CATSPER4: variants seen among roughly 807,000 people sequenced by gnomAD.
The protein encoded by CATSPER4 is cation channel sperm associated 4.
CATSPER4 carries 46 observed loss-of-function variants against 54.4 expected under a neutral mutation model. The ratio of observed to expected loss-of-function variants is 0.84; its 90% CI spans 0.67 to 1.08. CATSPER4 has a LOEUF of 1.08. Ranked by LOEUF, CATSPER4 falls within the 50% of genes least tolerant of loss-of-function variation. The pLI is 0.00. For missense variants in CATSPER4, 574 were observed against 612.8 expected, an observed-to-expected ratio of 0.94 and a Z score of 0.67; for synonymous variants, 230 against 231.9, an observed-to-expected ratio of 0.99 and a Z score of 0.08.
At position 26,191,269 on chromosome 1, in the gene CATSPER4, G is replaced by T; in HGVS notation, c.214-18G>T. 1 of 1,613,818 alleles carries T rather than the reference G, an allele frequency of 6.2e-7. No individual in the cohort carries two copies. The highest frequency in any genetic ancestry group is 8.5e-7 in the Non-Finnish European group (1 of 1,179,956). ...CTATGGTGACACCTGCCTGAAGGAA[G>T]GTCCTGCCCTCTTCCAGGACGCCTG... On this transcript the variant is annotated intron_variant, in intron 1 of 9. Coordinates refer to ENST00000456354, the MANE Select transcript of CATSPER4 (RefSeq NM_198137.2).
In CATSPER4 at chr1:26,202,559, C is replaced by T; in HGVS notation, c.*17C>T. 1 of 1,607,158 alleles carries T rather than the reference C, an allele frequency of 6.2e-7. No individual in the cohort carries two copies. Among genetic ancestry groups the T allele is most frequent in the African/African-American group, 1.3e-5 (1 of 74,906 alleles). ...AGCCACTGAGAGGCCAGGATGGGAG[C>T]CAAGGGGCCTGCACACACACACCCA... is the stretch of plus-strand genomic sequence containing the variant. On this transcript the variant is annotated 3_prime_UTR_variant, in exon 10 of 10. Coordinates refer to ENST00000456354, the MANE Select transcript of CATSPER4 (RefSeq NM_198137.2).
At chr1:26,201,274 G>C in intron 8 of CATSPER4, 80 bp from the exon 9 acceptor site, 1 of 1,470,164 alleles carries the variant, frequency 6.8e-7, no homozygotes, top group Non-Finnish European at 9.5e-7. Context: ...AGCGAAGCGG[G>C]GGTGACGCCA....
intron 2 of CATSPER4, among the ~76,000 whole-genome samples, chr1:26,192,008 G>C (rs115927869): frequency 0.01 from 1,572 of 151,852 alleles, 28 homozygotes; most frequent in African/African-American, 0.036. Flanking sequence ...AAAAGAGCAC[G>C]TAGGAGTTGG....
chr1:26,191,526 T>C (rs2088869340), intron 2 of CATSPER4, 96 bp downstream of exon 2: 1 of 1,384,430 alleles, frequency 7.2e-7, no homozygotes, highest in Non-Finnish European at 1.0e-6. Flanking sequence ...TCTATGATGG[T>C]TGGATTGGAT....
chr1:26,192,843 A>G (rs2088887435), intron 2 of CATSPER4, among the ~76,000 whole-genome samples: 1 of 151,854 alleles, frequency 6.6e-6, no homozygotes, highest in East Asian at 2.0e-4. Context: ...GGTAAAGCGC[A>G]CTTTTGGGGA....
At chr1:26,192,550 A>G (rs775612667) in intron 2 of CATSPER4, among the ~76,000 whole-genome samples, 4 of 150,664 alleles carry the variant, frequency 2.7e-5, no homozygotes, top group Non-Finnish European at 4.4e-5. Context: ...AGTTTGTGCC[A>G]CTGCACTCCA....
intron 3 of CATSPER4, among the ~76,000 whole-genome samples, chr1:26,195,646 C>T (rs2088929191): frequency 6.6e-6 from 1 of 152,020 alleles, no homozygotes; most frequent in African/African-American, 2.4e-5. Context: ...GGACTACAGG[C>T]GCCCGCCACC....
chr1:26,200,194 C>T (rs188987518), intron 7 of CATSPER4, 136 bp downstream of exon 7: 2 of 1,000,202 alleles, frequency 2.0e-6, no homozygotes, highest in African/African-American at 1.6e-5. Flanking sequence ...GAGGCAGCAG[C>T]CCCCCATCTT....
At chr1:26,196,448 G>T (rs6689145) in intron 3 of CATSPER4, among the ~76,000 whole-genome samples, 35,543 of 119,744 alleles carry the variant, frequency 0.3, 5,304 homozygotes, top group Non-Finnish European at 0.35. Flanking sequence ...TCTCACCCCT[G>T]TTGCTCAGGC....
chr1:26,191,203 A>T, intron 1 of CATSPER4, 84 bp from the exon 2 acceptor site: 1 of 1,537,486 alleles, frequency 6.5e-7, no homozygotes, highest in Non-Finnish European at 8.9e-7. Context: ...GGGCCCCAGG[A>T]ACCCCCATTC....
At chr1:26,191,495 C>A in intron 2 of CATSPER4, 65 bp downstream of exon 2, 1 of 1,557,070 alleles carries the variant, frequency 6.4e-7, no homozygotes. Context: ...AGAACTCTTC[C>A]GGCCTCAGGC....
At chr1:26,197,469 CT>C (rs1410874467) in intron 3 of CATSPER4, among the ~76,000 whole-genome samples, 1 of 152,214 alleles carries the variant, frequency 6.6e-6, no homozygotes, top group Non-Finnish European at 1.5e-5. Flanking sequence ...GTCTCTGAGA[CT>C]GCATTTGGCT....
intron 7 of CATSPER4, 27 bp from the exon 8 acceptor site, chr1:26,200,803 G>A (rs781505204): frequency 3.8e-5 from 60 of 1,596,382 alleles, no homozygotes; most frequent in Non-Finnish European, 4.8e-5. Flanking sequence ...GAGCTGTCCC[G>A]ACCCCTCTCT....
intron 6 of CATSPER4, among the ~76,000 whole-genome samples, chr1:26,199,260 AC>A (rs1167978648): frequency 2.0e-5 from 3 of 151,926 alleles, no homozygotes; most frequent in East Asian, 1.9e-4. Flanking sequence ...AAAAGGTGAA[AC>A]CCCGTCTCTA....
chr1:26,199,828 G>A, intron 6 of CATSPER4, 56 bp from the exon 7 acceptor site: 5 of 1,593,482 alleles, frequency 3.1e-6, no homozygotes, highest in Non-Finnish European at 4.3e-6. Flanking sequence ...CAATGACAAG[G>A]AAACTCAGGC....
chr1:26,200,151 C>A, intron 7 of CATSPER4, 93 bp downstream of exon 7: 2 of 1,443,088 alleles, frequency 1.4e-6, no homozygotes, highest in Non-Finnish European at 1.9e-6. Flanking sequence ...CTTGCATAAT[C>A]AAGGGCCTGG....
intron 3 of CATSPER4, among the ~76,000 whole-genome samples, chr1:26,195,822 A>C (rs954710468): frequency 2.6e-5 from 4 of 152,258 alleles, no homozygotes; most frequent in Non-Finnish European, 4.4e-5. Flanking sequence ...TCTTTTTAAT[A>C]AGCAGCTCTT....
intron 9 of CATSPER4, 109 bp from the exon 10 acceptor site, chr1:26,202,380 T>C (rs2089017719): frequency 2.0e-6 from 2 of 977,466 alleles, no homozygotes; most frequent in African/African-American, 3.2e-5. Flanking sequence ...ATGAAGCACT[T>C]CTCTGGGAGG....
Position 26,201,406 on chromosome 1 carries a change from G to T in CATSPER4, c.1252G>T (p.Val418Leu), listed in dbSNP as rs778868474. The change falls in exon 9 of 10, where the codon GTG becomes TTG. Residue 418 changes from valine (V) to leucine (L), a missense_variant. Physicochemically the swap from Val to Leu is conservative, Grantham distance 32. Transcript: ENST00000456354. ...IRFNQEQESE[V>L]LNRRSSTSGS... ...CTTCAACCAGGAGCAGGAGTCAGAG[G>T]TGTTGAACAGGCGCTCGTCGACGAG... The T allele has an allele frequency of 1.2e-6, 2 of 1,614,154 alleles. No individual in the cohort carries two copies. The highest frequency in any genetic ancestry group is 1.7e-6 in the Non-Finnish European group (2 of 1,180,018).
Sources: allele counts gnomAD v4.1 joint callset (sites outside exome capture counted in the v4.1 genomes callset), GRCh38; gene constraint gnomAD v4.1.1; transcripts MANE v1.5; gene names NCBI Gene and HGNC (gene_info 2026-07-23, HGNC 2026-07-21).